CDH18: variants seen among roughly 807,000 people sequenced by gnomAD.
CDH18 encodes the protein cadherin-18.
Under a neutral mutation model 67.9 loss-of-function variants are expected in CDH18, and 31 were observed. The ratio of observed to expected loss-of-function variants is 0.46; its 90% confidence interval spans 0.34 to 0.62. The LOEUF (loss-of-function observed/expected upper bound fraction) is 0.62. Ranked by LOEUF, CDH18 falls within the 20% of genes least tolerant of loss-of-function variation. The pLI, the probability that CDH18 is intolerant of heterozygous loss-of-function variation, is 0.01. For missense variants in CDH18, 890 were observed against 975.5 expected (o/e 0.91, Z 1.17); for synonymous variants, 362 against 347.2 (o/e 1.04, Z -0.48).
chr5:19,655,076 C>A (rs970543272), intron 5 of CDH18, among the ~76,000 whole-genome samples: 4 of 152,108 alleles, frequency 2.6e-5, no homozygotes, highest in African/African-American at 7.2e-5. Context: ...TCGCACTTAG[C>A]GCTGCAGTTT....
intron 12 of CDH18, among the ~76,000 whole-genome samples, chr5:19,482,227 T>C (rs898228606): frequency 1.3e-5 from 2 of 152,060 alleles, no homozygotes; most frequent in Non-Finnish European, 2.9e-5. Flanking sequence ...GCCATTCTCC[T>C]GCCTCAGCCT....
chr5:20,368,426 G>T (rs1472596126), intron 1 of CDH18, among the ~76,000 whole-genome samples: 1 of 152,128 alleles, frequency 6.6e-6, no homozygotes, highest in Non-Finnish European at 1.5e-5. Flanking sequence ...AAAGCTAAAA[G>T]CCAGCAAAAT....
chr5:19,706,521 A>G (rs1319783031), intron 5 of CDH18, among the ~76,000 whole-genome samples: 1 of 152,236 alleles, frequency 6.6e-6, no homozygotes, highest in Non-Finnish European at 1.5e-5. Flanking sequence ...GCAAATGGAC[A>G]TCACACATGT....
chr5:19,871,736 G>C (rs1369869290), intron 2 of CDH18, among the ~76,000 whole-genome samples: 1 of 152,068 alleles, frequency 6.6e-6, no homozygotes, highest in Non-Finnish European at 1.5e-5. Flanking sequence ...GCCAACAGAT[G>C]GGAAAAGAGA....
At chr5:19,947,585 CAAAAAAAAAA>C (rs35601486) in intron 2 of CDH18, among the ~76,000 whole-genome samples, 3 of 53,310 alleles carry the variant, frequency 5.6e-5, no homozygotes, top group Admixed American at 6.6e-4. Flanking sequence ...TACTAAAATA[CAAAAAAAAAA>C]AAAAAAAAAA....
intron 3 of CDH18, among the ~76,000 whole-genome samples, chr5:19,765,450 T>C (rs560545945): frequency 1.8e-4 from 27 of 152,220 alleles, no homozygotes; most frequent in African/African-American, 6.3e-4. Flanking sequence ...TGTTTGGGGA[T>C]TTCTCATCAC....
chr5:20,297,933 T>C (rs1747665769), intron 1 of CDH18, among the ~76,000 whole-genome samples: 2 of 152,234 alleles, frequency 1.3e-5, no homozygotes, highest in African/African-American at 4.8e-5. Flanking sequence ...AACATTATGC[T>C]ACTTGACAAT....
intron 2 of CDH18, among the ~76,000 whole-genome samples, chr5:19,899,217 T>G (rs190567434): frequency 3.9e-5 from 6 of 152,004 alleles, no homozygotes; most frequent in Admixed American, 3.9e-4. Flanking sequence ...CTGACCAACA[T>G]GGAGAAACCC....
At chr5:19,865,933 C>G (rs1299682697) in intron 2 of CDH18, among the ~76,000 whole-genome samples, 1 of 152,128 alleles carries the variant, frequency 6.6e-6, no homozygotes, top group East Asian at 1.9e-4. Flanking sequence ...AGACCTGATT[C>G]AGGGATCAGG....
rs201044396 is a variant in CDH18 at position 19,754,687 on chromosome 5, CAT to C, written c.229-7453_229-7452del. Among the ~76,000 whole-genome samples the C allele has an allele frequency of 1.2e-3, 178 of 152,200 alleles. 3 individuals carry two copies. The East Asian group carries it at 0.031, about 27-fold the overall frequency. On this transcript the variant is annotated intron_variant, in intron 3 of 12. Coordinates refer to ENST00000382275, the MANE Select transcript of CDH18 (RefSeq NM_004934.5). ...CTTAACAGATAAATGCAGAACATTC[CAT>C]CCAACGGCTGCAATATACACATTCT...
intron 4 of CDH18, among the ~76,000 whole-genome samples, chr5:19,729,975 TCTGCCTTTCTGTCTCTCTCTCC>T (rs1309005051): frequency 2.6e-5 from 4 of 152,058 alleles, no homozygotes; most frequent in South Asian, 2.1e-4. Context: ...TCTCTCTGTC[TCTGCCTTTCTGTCTCTCTCTCC>T]CTGCCTTTCT....
chr5:20,132,603 C>A (rs926637236), intron 2 of CDH18, among the ~76,000 whole-genome samples: 6 of 152,204 alleles, frequency 3.9e-5, no homozygotes, highest in Admixed American at 1.3e-4. Flanking sequence ...TGATTCCATT[C>A]TGTCTCCTCT....
At chr5:20,112,186 A>G (rs1747535033) in intron 2 of CDH18, among the ~76,000 whole-genome samples, 1 of 152,216 alleles carries the variant, frequency 6.6e-6, no homozygotes, top group Non-Finnish European at 1.5e-5. Flanking sequence ...CAGAGCAAGA[A>G]CTCAGTATTA....
intron 1 of CDH18, among the ~76,000 whole-genome samples, chr5:20,345,256 A>T (rs1740606195): frequency 9.5e-6 from 1 of 104,826 alleles, no homozygotes. Flanking sequence ...TAATTTGTAT[A>T]TTGGGGTATA....
At chr5:20,026,121 A>G (rs1329663791) in intron 2 of CDH18, among the ~76,000 whole-genome samples, 1 of 152,170 alleles carries the variant, frequency 6.6e-6, no homozygotes, top group African/African-American at 2.4e-5. Flanking sequence ...CTTTGAATTC[A>G]TGTTAGTAGC....
intron 2 of CDH18, among the ~76,000 whole-genome samples, chr5:20,071,599 TATAAC>T (rs1215380456): frequency 6.6e-6 from 1 of 152,080 alleles, no homozygotes; most frequent in Non-Finnish European, 1.5e-5. Flanking sequence ...TATGATAAAA[TATAAC>T]ATACTATTGT....
chr5:19,584,068 T>C (rs1743702741), intron 7 of CDH18, among the ~76,000 whole-genome samples: 1 of 152,124 alleles, frequency 6.6e-6, no homozygotes, highest in Non-Finnish European at 1.5e-5. Flanking sequence ...ATAGGAGCCA[T>C]ATAAGAAGAG....
intron 2 of CDH18, among the ~76,000 whole-genome samples, chr5:19,995,279 T>C (rs1458193599): frequency 1.3e-5 from 2 of 152,100 alleles, no homozygotes; most frequent in African/African-American, 4.8e-5. Flanking sequence ...CTAGGTTTCC[T>C]AGGAAAATTA....
intron 2 of CDH18, among the ~76,000 whole-genome samples, chr5:19,917,345 G>T (rs186153745): frequency 7.2e-6 from 1 of 138,380 alleles, no homozygotes; most frequent in African/African-American, 3.1e-5. Flanking sequence ...TTCCCCCCCC[G>T]CCCCCTTTTT....
Sources: allele counts gnomAD v4.1 joint callset (sites outside exome capture counted in the v4.1 genomes callset), GRCh38; gene constraint gnomAD v4.1.1; transcripts MANE v1.5; gene names NCBI Gene and HGNC (gene_info 2026-07-23, HGNC 2026-07-21).